The following CLCA2 variants were observed in gnomAD, a reference collection of about 807,000 sequenced individuals.
The protein encoded by CLCA2 is calcium-activated chloride channel regulator 2.
A neutral mutation model predicts 82.9 loss-of-function variants in CLCA2; 85 were observed. The observed-to-expected ratio is 1.03, with a 90% CI of 0.86 to 1.23. CLCA2 has a LOEUF of 1.23. Ranked by LOEUF, CLCA2 falls within the 50% of genes most tolerant of loss-of-function variation. The pLI is 0.00. For missense variants in CLCA2, 1,089 were observed against 1,124.8 expected (o/e 0.97, Z 0.45); for synonymous variants, 421 against 391.7 (o/e 1.07, Z -0.88).
chr1:86,426,852 G>A (rs1469484408), intron 2 of CLCA2, among the ~76,000 whole-genome samples: 1 of 151,986 alleles, frequency 6.6e-6, no homozygotes, highest in Non-Finnish European at 1.5e-5. Flanking sequence ...AAGAAGTATT[G>A]GAGACAACAA....
chr1:86,441,608 A>G, intron 9 of CLCA2, 65 bp downstream of exon 9: 1 of 1,081,226 alleles, frequency 9.2e-7, no homozygotes, highest in Non-Finnish European at 1.4e-6. Flanking sequence ...AACAAGGGAA[A>G]TCAACGAATT....
chr1:86,438,327 T>C (rs1662654292), intron 6 of CLCA2, among the ~76,000 whole-genome samples: 1 of 152,224 alleles, frequency 6.6e-6, no homozygotes, highest in African/African-American at 2.4e-5. Flanking sequence ...ATAACTGTAC[T>C]GCCATATATG....
At chr1:86,442,513 G>A (rs1296694768) in intron 9 of CLCA2, among the ~76,000 whole-genome samples, 1 of 152,206 alleles carries the variant, frequency 6.6e-6, no homozygotes, top group South Asian at 2.1e-4. Flanking sequence ...TTGGAGTGAG[G>A]TGGGAACTAC....
chr1:86,450,706 A>G lies in CLCA2; in HGVS notation c.2128A>G (p.Met710Val). The change falls in exon 12 of 14, where the codon ATG becomes GTG. Residue 710 changes from methionine (M) to valine (V), a missense_variant. Physicochemically the swap from Met to Val is conservative, Grantham distance 21 (BLOSUM62 1). Coordinates refer to ENST00000370565, the MANE Select transcript of CLCA2 (RefSeq NM_006536.7). ...PAHSIPGSHA[M>V]YVPGYTANGN... ...CCACTCTATTCCAGGGAGTCATGCTATGTATGTACCAGGTTACACAGCAAA... is the reference window on the plus strand; with the variant it reads ...CCACTCTATTCCAGGGAGTCATGCTGTGTATGTACCAGGTTACACAGCAAA... 2 of 1,610,530 alleles carry G rather than the reference A, an allele frequency of 1.2e-6. No homozygotes were observed. Among genetic ancestry groups the G allele is most frequent in the Non-Finnish European group, 8.5e-7 (1 of 1,178,124 alleles).
chr1:86,449,146 A>C (rs1300241688), intron 11 of CLCA2, among the ~76,000 whole-genome samples: 1 of 152,272 alleles, frequency 6.6e-6, no homozygotes, highest in Admixed American at 6.5e-5. Context: ...TTATAATGGA[A>C]GCAGTATTTA....
chr1:86,436,261 T>C (rs1662608012), intron 6 of CLCA2, among the ~76,000 whole-genome samples: 1 of 152,216 alleles, frequency 6.6e-6, no homozygotes, highest in East Asian at 1.9e-4. Flanking sequence ...GACATCACAT[T>C]GACAGCAGGA....
At chr1:86,448,687 C>T (rs1298215670) in intron 11 of CLCA2, among the ~76,000 whole-genome samples, 1 of 152,242 alleles carries the variant, frequency 6.6e-6, no homozygotes, top group Non-Finnish European at 1.5e-5. Flanking sequence ...CCATCAGTAT[C>T]TTGCCATGGC....
intron 9 of CLCA2, among the ~76,000 whole-genome samples, chr1:86,442,292 A>G (rs1227684501): frequency 6.6e-6 from 1 of 152,256 alleles, no homozygotes; most frequent in African/African-American, 2.4e-5. Context: ...ATATATGACA[A>G]TATCTAGTAC....
Position 86,428,407 on chromosome 1 carries a change from T to C in CLCA2, c.325-11T>C. The C allele has an allele frequency of 6.3e-7, 1 of 1,582,294 alleles. No homozygotes were observed. The highest frequency in any genetic ancestry group is 8.6e-7 in the Non-Finnish European group (1 of 1,164,808). ...CTGAGAAAGTATTACAAGGCATTTCTTTTAATTTAGGCAAATGTCATAGTG... is the reference window on the plus strand; with the variant it reads ...CTGAGAAAGTATTACAAGGCATTTCCTTTAATTTAGGCAAATGTCATAGTG... On this transcript the variant is annotated splice_polypyrimidine_tract_variant and intron_variant, in intron 2 of 13. Transcript: ENST00000370565.
At chr1:86,447,840 A>G in intron 11 of CLCA2, 62 bp downstream of exon 11, 1 of 1,464,650 alleles carries the variant, frequency 6.8e-7, no homozygotes. Flanking sequence ...ATGATGCGGT[A>G]GTATCAATAT....
At position 86,455,802 on chromosome 1, in the gene CLCA2, G is replaced by A; in HGVS notation, c.*275G>A. Reference sequence around the variant, plus strand: ...AAGGGTAAAGTCGGACCAGTGTCAAGGAAAGTTTGTTTTATTGAGGTGGAA... The same window carrying A: ...AAGGGTAAAGTCGGACCAGTGTCAAAGAAAGTTTGTTTTATTGAGGTGGAA... On this transcript the variant is annotated 3_prime_UTR_variant, in exon 14 of 14. Transcript: ENST00000370565. 1.1e-5 allele frequency: 2 copies of A among 187,176 alleles called. No homozygotes were observed. The allele number at this position is 187,176 out of a possible 1,614,324, so 11.6% of individuals were successfully genotyped here.
At chr1:86,441,055 G>A (rs1469931098) in intron 8 of CLCA2, among the ~76,000 whole-genome samples, 1 of 152,048 alleles carries the variant, frequency 6.6e-6, no homozygotes, top group Non-Finnish European at 1.5e-5. Context: ...ACAAATGAAA[G>A]GTTTTATTGA....
Position 86,439,567 on chromosome 1 carries a change from C to T in CLCA2, c.1203+461C>T, listed in dbSNP as rs77092399. 3.3e-4 allele frequency among the ~76,000 whole-genome samples: 50 copies of T among 152,298 alleles called. No homozygotes were observed. The East Asian group carries it at 9.5e-3, about 29-fold the overall frequency. ...GGCCAGAAGTGTGTTTCAGGAATGA[C>T]AGAGTTTATTTAAATCAACACAAGT... On this transcript the variant is annotated intron_variant, in intron 7 of 13. Transcript: ENST00000370565.
In CLCA2 at chr1:86,434,558, C is replaced by T; in HGVS notation, c.785C>T (p.Ala262Val). The T allele has an allele frequency of 1.9e-6, 3 of 1,614,064 alleles. No homozygotes were observed. Among genetic ancestry groups the T allele is most frequent in the East Asian group, 2.2e-5 (1 of 44,876 alleles). ...AATGCAAGTACCCACAACCAAGAAG[C>T]ACCAAACCTACAGAACCAGATGTGC... ...FCNASTHNQE[A>V]PNLQNQMCSL... The change falls in exon 6 of 14, where the codon GCA becomes GTA. Residue 262 changes from alanine to valine, a missense_variant. Transcript: ENST00000370565.
At chr1:86,425,751 T>C (rs1323029442) in intron 2 of CLCA2, among the ~76,000 whole-genome samples, 1 of 152,180 alleles carries the variant, frequency 6.6e-6, no homozygotes, top group Non-Finnish European at 1.5e-5. Flanking sequence ...AAAAGTTTGG[T>C]TGAGGATCAA....
intron 6 of CLCA2, among the ~76,000 whole-genome samples, chr1:86,438,287 T>C (rs1373733515): frequency 6.6e-6 from 1 of 152,212 alleles, no homozygotes; most frequent in Admixed American, 6.5e-5. Flanking sequence ...GTCACTAATA[T>C]TACTTTACAC....
Position 86,430,877 on chromosome 1 carries a change from A to G in CLCA2, c.491A>G (p.His164Arg), listed in dbSNP as rs199587720. The change falls in exon 4 of 14, where the codon CAT becomes CGT. Residue 164 changes from histidine (H) to arginine (R), a missense_variant. By Grantham distance (29) the His-to-Arg change is conservative. Coordinates refer to ENST00000370565, the MANE Select transcript of CLCA2 (RefSeq NM_006536.7). ...GYGSRGRVFV[H>R]EWAHLRWGVF... ...TCTTCCGCAGGCCGAGTGTTTGTCC[A>G]TGAATGGGCCCACCTCCGTTGGGGT... 3.1e-6 allele frequency: 5 copies of G among 1,613,576 alleles called. No homozygotes were observed. The highest frequency in any genetic ancestry group is 1.3e-5 in the African/African-American group (1 of 75,036).
chr1:86,447,061 G>C (rs1205407129), intron 10 of CLCA2, among the ~76,000 whole-genome samples: 1 of 152,128 alleles, frequency 6.6e-6, no homozygotes, highest in Non-Finnish European at 1.5e-5. Flanking sequence ...TGCCTTTTTA[G>C]TCCACGGTGT....
rs1428079707 is a variant in CLCA2 at position 86,450,702 on chromosome 1, T to G, written c.2124T>G (p.His708Gln). ...STPAHSIPGS[H>Q]AMYVPGYTAN... ...CAGCCCACTCTATTCCAGGGAGTCA[T>G]GCTATGTATGTACCAGGTTACACAG... Residue 708 changes from histidine to glutamine, a missense_variant, in exon 12 of 14, where the codon CAT becomes CAG. Coordinates refer to ENST00000370565, the MANE Select transcript of CLCA2 (RefSeq NM_006536.7). 1.2e-6 allele frequency: 2 copies of G among 1,611,404 alleles called. No homozygotes were observed. The highest frequency in any genetic ancestry group is 1.7e-6 in the Non-Finnish European group (2 of 1,178,660).
Sources: allele counts gnomAD v4.1 joint callset (sites outside exome capture counted in the v4.1 genomes callset), GRCh38; gene constraint gnomAD v4.1.1; transcripts MANE v1.5; gene names NCBI Gene and HGNC (gene_info 2026-07-23, HGNC 2026-07-21).